AGAP1: variants seen among roughly 807,000 people sequenced by gnomAD.
The protein encoded by AGAP1 is arf-GAP with GTPase, ANK repeat and PH domain-containing protein 1.
AGAP1 carries 29 observed loss-of-function variants against 105.3 expected under a neutral mutation model. The ratio of observed to expected loss-of-function variants is 0.28; its 90% CI spans 0.21 to 0.38. The LOEUF is 0.38. Ranked by LOEUF, AGAP1 falls within the 10% of genes least tolerant of loss-of-function variation. The pLI is 1.00. For synonymous variants in AGAP1, 509 were observed against 485.9 expected (o/e 1.05, Z -0.63); for missense variants, 998 against 1,165.1 (o/e 0.86, Z 2.09).
chr2:235,550,423 G>A lies in AGAP1; in HGVS notation c.163+55574G>A, dbSNP rs187617140. ...ATTGGGAGTCACTGAGCATGCACAC[G>A]GGCTGTCAGGTCCTGGTCCCAGCTC... On this transcript the variant is annotated intron_variant, in intron 1 of 17. Transcript: ENST00000304032. The surrounding 1 kb of genome is among the most constrained non-coding windows in gnomAD (Gnocchi z 4.6). Among the ~76,000 whole-genome samples the A allele has an allele frequency of 3.6e-4, 55 of 152,270 alleles. 1 individual carries two copies. Among genetic ancestry groups the A allele is most frequent in the Non-Finnish European group, 5.9e-4 (40 of 68,022 alleles).
intron 8 of AGAP1, among the ~76,000 whole-genome samples, chr2:235,802,798 G>T (rs1309087063): frequency 1.3e-3 from 4 of 3,112 alleles, no homozygotes; most frequent in African/African-American, 5.3e-3. Context: ...TGGTGATGAT[G>T]GTTGTGGTGG....
chr2:236,110,393 C>CAAA (rs11401711), intron 16 of AGAP1, among the ~76,000 whole-genome samples: 3,781 of 145,176 alleles, frequency 0.026, 185 homozygotes, highest in African/African-American at 0.089. Context: ...CCCTTCTCTA[C>CAAA]AAAAAAAAAA....
chr2:236,009,967 G>A lies in AGAP1; in HGVS notation c.1646-26594G>A, dbSNP rs2056454547. On this transcript the variant is annotated intron_variant, in intron 13 of 17. Coordinates refer to ENST00000304032, the MANE Select transcript of AGAP1 (RefSeq NM_001037131.3). The surrounding 1 kb of genome is among the most constrained non-coding windows in gnomAD (Gnocchi z 4.2). ...GGTACAATGATGGAGGAAGAGTTTG[G>A]AATAAAACCCTGCTCGTTTGAGCAT... Among the ~76,000 whole-genome samples the A allele has an allele frequency of 1.3e-5, 2 of 152,070 alleles. No individual in the cohort carries two copies. The highest frequency in any genetic ancestry group is 1.3e-4 in the Admixed American group (2 of 15,276).
intron 11 of AGAP1, among the ~76,000 whole-genome samples, chr2:235,911,338 G>A (rs1382063832): frequency 6.6e-6 from 1 of 152,124 alleles, no homozygotes; most frequent in African/African-American, 2.4e-5. Context: ...GGCAGGGCTT[G>A]GAGACCCAGT....
In AGAP1 at chr2:235,578,178, T is replaced by C. The variant is rs1431575421; in HGVS notation, c.163+83329T>C. 6.6e-6 allele frequency among the ~76,000 whole-genome samples: 1 copy of C among 152,122 alleles called. No individual in the cohort carries two copies. Among genetic ancestry groups the C allele is most frequent in the East Asian group, 1.9e-4 (1 of 5,164 alleles). ...GCTATAAAGGACTTGGCCACCAAGGTTGGAGCTGAGCCCCCCATGTCATGA... is the reference window on the plus strand; with the variant it reads ...GCTATAAAGGACTTGGCCACCAAGGCTGGAGCTGAGCCCCCCATGTCATGA... On this transcript the variant is annotated intron_variant, in intron 1 of 17. Transcript: ENST00000304032. The surrounding 1 kb of genome is among the most constrained non-coding windows in gnomAD (Gnocchi z 4.9).
Position 235,989,544 on chromosome 2 carries a change from T to G in AGAP1, c.1645+20921T>G, listed in dbSNP as rs2055470736. On this transcript the variant is annotated intron_variant, in intron 13 of 17. Coordinates refer to ENST00000304032, the MANE Select transcript of AGAP1 (RefSeq NM_001037131.3). The surrounding 1 kb of genome is among the most constrained non-coding windows in gnomAD (Gnocchi z 4.4). ...GCAGGGCCTGGGCACACTGGTGGCGTAGCTGAGGGGCTGCCTGCGTGCAAG... is the reference window on the plus strand; with the variant it reads ...GCAGGGCCTGGGCACACTGGTGGCGGAGCTGAGGGGCTGCCTGCGTGCAAG... 6.6e-6 allele frequency among the ~76,000 whole-genome samples: 1 copy of G among 152,048 alleles called. No homozygotes were observed. The highest frequency in any genetic ancestry group is 1.5e-5 in the Non-Finnish European group (1 of 67,998).
intron 1 of AGAP1, among the ~76,000 whole-genome samples, chr2:235,626,034 C>G (rs1404355785): frequency 1.3e-5 from 2 of 152,116 alleles, no homozygotes; most frequent in African/African-American, 4.8e-5. Flanking sequence ...ATATCTGTGT[C>G]TGCCTCCATA....
At chr2:236,070,135 C>G (rs1046106020) in intron 16 of AGAP1, among the ~76,000 whole-genome samples, 1 of 152,364 alleles carries the variant, frequency 6.6e-6, no homozygotes, top group South Asian at 2.1e-4. Flanking sequence ...ACATTGCTCC[C>G]GAAAGCTGTG....
rs1460167849 is a variant in AGAP1, at chr2:235,962,965, G to A, written c.1484-5497G>A. On this transcript the variant is annotated intron_variant, in intron 12 of 17. Coordinates refer to ENST00000304032, the MANE Select transcript of AGAP1 (RefSeq NM_001037131.3). This position sits in a 1 kb window ranked among gnomAD's most constrained non-coding sequence, Gnocchi z 5.3. Reference sequence around the variant, plus strand: ...CCTGGGTGGGGGTTCCTGGAGAACCGGTGGATCTGTGGGAATCCAGAGTCC... The same window carrying A: ...CCTGGGTGGGGGTTCCTGGAGAACCAGTGGATCTGTGGGAATCCAGAGTCC... Among the ~76,000 whole-genome samples the A allele has an allele frequency of 2.0e-5, 3 of 152,144 alleles. No individual in the cohort carries two copies. Among genetic ancestry groups the A allele is most frequent in the Non-Finnish European group, 2.9e-5 (2 of 68,026 alleles).
Position 235,705,374 on chromosome 2 carries a change from A to G in AGAP1, c.164-3805A>G, listed in dbSNP as rs1196093197. Among the ~76,000 whole-genome samples, 2 of 152,010 alleles carry G rather than the reference A, an allele frequency of 1.3e-5. No homozygotes were observed. The highest frequency in any genetic ancestry group is 2.9e-5 in the Non-Finnish European group (2 of 68,004). On this transcript the variant is annotated intron_variant, in intron 1 of 17. Coordinates refer to ENST00000304032, the MANE Select transcript of AGAP1 (RefSeq NM_001037131.3). The surrounding 1 kb of genome is among the most constrained non-coding windows in gnomAD (Gnocchi z 4.9). ...CACACATCCGGATGTGCATCCACAC[A>G]CTCATGCGCATATGCCCAGCTGTGT...
intron 6 of AGAP1, among the ~76,000 whole-genome samples, chr2:235,775,341 A>T (rs1955782330): frequency 6.6e-6 from 1 of 152,204 alleles, no homozygotes; most frequent in African/African-American, 2.4e-5. Context: ...AATTCCTGTG[A>T]GATCATTTTG....
chr2:235,821,177 A>C (rs1655126441), intron 9 of AGAP1, among the ~76,000 whole-genome samples: 1 of 152,206 alleles, frequency 6.6e-6, no homozygotes, highest in African/African-American at 2.4e-5. Flanking sequence ...CAAGAAGTTA[A>C]ATTAGTAATT....
chr2:235,988,657 A>G lies in AGAP1; in HGVS notation c.1645+20034A>G, dbSNP rs1003895826. 2.6e-5 allele frequency among the ~76,000 whole-genome samples: 4 copies of G among 152,126 alleles called. No individual in the cohort carries two copies. The highest frequency in any genetic ancestry group is 4.2e-4 in the South Asian group (2 of 4,810). ...TTTTTCCTGTAACTTTCCAGTAATG[A>G]GGGGGCCCAGTGGGTAAATGGAATC... On this transcript the variant is annotated intron_variant, in intron 13 of 17. Transcript: ENST00000304032. The surrounding 1 kb of genome is among the most constrained non-coding windows in gnomAD (Gnocchi z 4.7).
At chr2:235,579,141 T>C (rs1944839315) in intron 1 of AGAP1, among the ~76,000 whole-genome samples, 2 of 152,232 alleles carry the variant, frequency 1.3e-5, no homozygotes, top group Admixed American at 1.3e-4. Flanking sequence ...GCTGGTTTAC[T>C]GTCGTAAAAC....
In AGAP1 at chr2:235,865,273, T is replaced by C. The variant is rs746274049; in HGVS notation, c.1051-18072T>C. 1.4e-4 allele frequency among the ~76,000 whole-genome samples: 22 copies of C among 152,202 alleles called. No homozygotes were observed. The highest frequency in any genetic ancestry group is 2.9e-4 in the Non-Finnish European group (20 of 68,026). On this transcript the variant is annotated intron_variant, in intron 9 of 17. Transcript: ENST00000304032. This position sits in a 1 kb window ranked among gnomAD's most constrained non-coding sequence, Gnocchi z 6.2. ...GTCCCGGCCGGCGCTTTGAAGCCTGTGCTGTGCGATTTTCTCAGCAGTGAG... is the reference window on the plus strand; with the variant it reads ...GTCCCGGCCGGCGCTTTGAAGCCTGCGCTGTGCGATTTTCTCAGCAGTGAG...
At chr2:235,966,813 CTG>C in intron 12 of AGAP1, among the ~76,000 whole-genome samples, 2 of 152,198 alleles carry the variant, frequency 1.3e-5, no homozygotes, top group South Asian at 4.2e-4. Flanking sequence ...ACGCTTCCGA[CTG>C]TGCAGAGAGG....
At position 235,494,187 on chromosome 2, in the gene AGAP1, CG is replaced by C. The variant is rs1253929346; in HGVS notation, c.-497del. 1 of 144,306 alleles carries C rather than the reference CG, an allele frequency of 6.9e-6. No homozygotes were observed. The highest frequency in any genetic ancestry group is 1.5e-5 in the Non-Finnish European group (1 of 65,056). 8.9% of individuals were successfully genotyped at this position (144,306 alleles called of 1,614,324 possible). ...GGCTCGCGCGGGGGCCCCGGCGCGC[CG>C]GGCGGCGCAGTACGCAGCGCGCGGA... On this transcript the variant is annotated 5_prime_UTR_variant, in exon 1 of 18. Coordinates refer to ENST00000304032, the MANE Select transcript of AGAP1 (RefSeq NM_001037131.3).
intron 16 of AGAP1, among the ~76,000 whole-genome samples, chr2:236,068,461 T>G (rs2058406711): frequency 6.6e-6 from 1 of 152,052 alleles, no homozygotes; most frequent in African/African-American, 2.4e-5. Flanking sequence ...TATGTGTCAA[T>G]AGCCTTTAAA....
Position 235,973,691 on chromosome 2 carries a change from A to G in AGAP1, c.1645+5068A>G, listed in dbSNP as rs1267207521. Among the ~76,000 whole-genome samples, 3 of 152,178 alleles carry G rather than the reference A, an allele frequency of 2.0e-5. No individual in the cohort carries two copies. The highest frequency in any genetic ancestry group is 4.4e-5 in the Non-Finnish European group (3 of 68,016). On this transcript the variant is annotated intron_variant, in intron 13 of 17. Coordinates refer to ENST00000304032, the MANE Select transcript of AGAP1 (RefSeq NM_001037131.3). This position sits in a 1 kb window ranked among gnomAD's most constrained non-coding sequence, Gnocchi z 4.7. ...GTAACCATGGGACCTGATGGGTGGAAGCCTCAAGGAGGTGGATTTTGATTC... is the reference window on the plus strand; with the variant it reads ...GTAACCATGGGACCTGATGGGTGGAGGCCTCAAGGAGGTGGATTTTGATTC...
Sources: allele counts gnomAD v4.1 joint callset (sites outside exome capture counted in the v4.1 genomes callset), GRCh38; gene constraint gnomAD v4.1.1; non-coding constraint Gnocchi (gnomAD v3.1); transcripts MANE v1.5; gene names NCBI Gene and HGNC (gene_info 2026-07-23, HGNC 2026-07-21).